Variants in TENM1 observed in about 807,000 individuals in gnomAD.
TENM1 encodes the protein teneurin transmembrane protein 1, also known as teneurin-1.
In TENM1, 35 loss-of-function variants were observed where a neutral mutation model predicts 174.8. The ratio of observed to expected loss-of-function variants is 0.20; its 90% confidence interval spans 0.15 to 0.27. The LOEUF is 0.27. TENM1 is among the 10% of genes least tolerant of loss of function. The probability of loss-of-function intolerance (pLI) is 1.00; values close to 1 mark genes in which losing one functional copy is unlikely to be tolerated. For missense variants in TENM1, 1,633 were observed against 2,130.1 expected (o/e 0.77, Z 4.59); for synonymous variants, 781 against 798.7 (o/e 0.98, Z 0.37).
chrX:125,009,904 T>G, the TENM1 span, among the ~76,000 whole-genome samples: 21 of 111,717 alleles, frequency 1.9e-4, no homozygotes, highest in Non-Finnish European at 3.4e-4. Context: ...GAGCCATTCA[T>G]GACAAACCCA....
intron 3 of TENM1, among the ~76,000 whole-genome samples, chrX:124,790,424 C>T (rs930219991): frequency 8.9e-6 from 1 of 112,083 alleles, no homozygotes; most frequent in African/African-American, 3.2e-5. Flanking sequence ...TTGTATGGCG[C>T]TTTATACTTT....
chrX:124,480,774 T>A (rs758499632), intron 22 of TENM1, among the ~76,000 whole-genome samples: 9 of 112,039 alleles, frequency 8.0e-5, no homozygotes, highest in Admixed American at 3.8e-4. Flanking sequence ...ATGAATAATT[T>A]CTAAAATCAC....
the TENM1 span, among the ~76,000 whole-genome samples, chrX:125,175,912 T>C: frequency 1.8e-5 from 2 of 112,071 alleles, no homozygotes; most frequent in Non-Finnish European, 3.8e-5. Flanking sequence ...CTGTATATAT[T>C]TGCTAAATAA....
chrX:124,912,503 G>C (rs1046918172), intron 1 of TENM1, among the ~76,000 whole-genome samples: 1 of 110,510 alleles, frequency 9.0e-6, no homozygotes, highest in Non-Finnish European at 1.9e-5. Context: ...TTGGGGGGAA[G>C]AGCTCTTCTA....
chrX:124,416,378 CATA>C (rs1191640516), intron 25 of TENM1, among the ~76,000 whole-genome samples: 1 of 112,010 alleles, frequency 8.9e-6, no homozygotes, highest in Non-Finnish European at 1.9e-5. Flanking sequence ...TTTCACTGAG[CATA>C]ATGTTTTTGA....
intron 23 of TENM1, among the ~76,000 whole-genome samples, chrX:124,450,046 G>A (rs2061012105): frequency 9.0e-6 from 1 of 110,602 alleles, no homozygotes; most frequent in African/African-American, 3.3e-5. Flanking sequence ...ATTCCCACAG[G>A]TCGTGGGAGA....
At chrX:124,863,938 G>A (rs192161034) in intron 3 of TENM1, among the ~76,000 whole-genome samples, 78 of 112,472 alleles carry the variant, frequency 6.9e-4, no homozygotes, top group African/African-American at 2.4e-3. Flanking sequence ...GAGAAAGTAA[G>A]GGAACAGAAC....
chrX:125,036,244 G>A, the TENM1 span, among the ~76,000 whole-genome samples: 2,805 of 111,576 alleles, frequency 0.025, 94 homozygotes, highest in African/African-American at 0.085. Flanking sequence ...GCCTGTTGTT[G>A]CTTTTGTTAT....
chrX:125,052,832 T>G, the TENM1 span, among the ~76,000 whole-genome samples: 23 of 112,333 alleles, frequency 2.0e-4, no homozygotes, highest in Admixed American at 2.2e-3. Flanking sequence ...GTGAAATTGT[T>G]GTTCCCTAAA....
chrX:124,459,243 A>G (rs951920688), intron 22 of TENM1, among the ~76,000 whole-genome samples: 1 of 111,787 alleles, frequency 8.9e-6, no homozygotes, highest in African/African-American at 3.3e-5. Flanking sequence ...ATCCAGGTAA[A>G]CACCACTGAA....
At chrX:124,682,781 A>T (rs2052267186) in intron 5 of TENM1, among the ~76,000 whole-genome samples, 2 of 111,276 alleles carry the variant, frequency 1.8e-5, no homozygotes, top group Non-Finnish European at 3.8e-5. Flanking sequence ...CATTAAAAAA[A>T]CAACCTGGCC....
exon 15 of TENM1, chrX:124,547,022 G>C (rs780875616): frequency 1.7e-6 from 2 of 1,211,372 alleles, no homozygotes; most frequent in Non-Finnish European, 1.1e-6. Flanking sequence ...GGTGAGCCCT[G>C]GCAGAGAGGA....
chrX:124,699,238 G>A (rs1162341320), intron 5 of TENM1, among the ~76,000 whole-genome samples: 4 of 109,401 alleles, frequency 3.7e-5, no homozygotes, highest in Non-Finnish European at 7.7e-5. Flanking sequence ...TTTTTTTTTG[G>A]TCTGAGTTTG....
At chrX:124,396,357 C>T (rs761937136) in intron 27 of TENM1, among the ~76,000 whole-genome samples, 129 of 103,698 alleles carry the variant, frequency 1.2e-3, no homozygotes, top group African/African-American at 4.4e-3. Flanking sequence ...GGCTGGAGTG[C>T]AATGGCACGA....
chrX:124,604,062 T>C (rs1204612016), intron 11 of TENM1, among the ~76,000 whole-genome samples: 1 of 111,590 alleles, frequency 9.0e-6, no homozygotes, highest in African/African-American at 3.2e-5. Context: ...TCCTTCTTTC[T>C]CACATCTTTG....
chrX:124,935,807 A>C (rs1461393303), intron 1 of TENM1, among the ~76,000 whole-genome samples: 1 of 112,379 alleles, frequency 8.9e-6, no homozygotes, highest in African/African-American at 3.2e-5. Context: ...TCTAACCTGA[A>C]ACCTATTCCT....
At chrX:124,808,780 T>A (rs1227699514) in intron 3 of TENM1, among the ~76,000 whole-genome samples, 2 of 111,253 alleles carry the variant, frequency 1.8e-5, no homozygotes, top group Non-Finnish European at 3.8e-5. Flanking sequence ...CTGAGACAAA[T>A]GAAAATGGAA....
chrX:124,978,687 G>A, the TENM1 span, among the ~76,000 whole-genome samples: 1 of 111,679 alleles, frequency 9.0e-6, no homozygotes, highest in East Asian at 2.8e-4. Flanking sequence ...GTCAATGATT[G>A]CGCAGAGGTT....
the TENM1 span, among the ~76,000 whole-genome samples, chrX:125,111,467 TGGAAA>T: frequency 1.8e-5 from 2 of 111,671 alleles, no homozygotes; most frequent in African/African-American, 6.5e-5. Flanking sequence ...TCAAGGGTGT[TGGAAA>T]GGAAAGAAAA....
Sources: gnomAD v4.1 joint callset for allele counts (sites outside exome capture counted in the v4.1 genomes callset) on GRCh38, gnomAD v4.1.1 for gene constraint, MANE v1.5 for transcripts, NCBI Gene and HGNC (gene_info 2026-07-23, HGNC 2026-07-21) for gene names.